CACNA1E: variants seen among roughly 807,000 people sequenced by gnomAD.
CACNA1E encodes the protein calcium voltage-gated channel subunit alpha1 E.
CACNA1E carries 40 observed loss-of-function variants against 259.2 expected under a neutral mutation model. The observed-to-expected ratio is 0.15, with a 90% confidence interval of 0.12 to 0.20. The LOEUF (loss-of-function observed/expected upper bound fraction) is 0.20. Among genes scored for constraint, CACNA1E ranks in the 10% least tolerant of loss-of-function variants. CACNA1E has a pLI of 1.00. For synonymous variants in CACNA1E, 1,104 were observed against 1,138.5 expected (o/e 0.97, Z 0.61); for missense variants, 1,874 against 3,040.1 (o/e 0.62, Z 9.02).
At chr1:181,563,196 G>A (rs10910960) in intron 3 of CACNA1E, among the ~76,000 whole-genome samples, 57,140 of 152,022 alleles carry the variant, frequency 0.38, 13,283 homozygotes, top group East Asian at 0.68. Flanking sequence ...GCAAGTATGG[G>A]GAACTGGGTA....
intron 1 of CACNA1E, among the ~76,000 whole-genome samples, chr1:181,408,720 A>G: frequency 6.6e-6 from 1 of 152,198 alleles, no homozygotes. Flanking sequence ...CTGCTCATTA[A>G]CCAAACTTAG....
chr1:181,539,553 C>T (rs1324249871), intron 3 of CACNA1E, among the ~76,000 whole-genome samples: 2 of 152,118 alleles, frequency 1.3e-5, no homozygotes, highest in South Asian at 2.1e-4. Flanking sequence ...TATATTATTC[C>T]CGGTCTGCTT....
At chr1:181,352,686 G>A (rs1257733240) in intron 1 of CACNA1E, among the ~76,000 whole-genome samples, 1 of 152,178 alleles carries the variant, frequency 6.6e-6, no homozygotes, top group Non-Finnish European at 1.5e-5. Context: ...AAGTGGCAAG[G>A]CAATTTGGAG....
At chr1:181,452,455 G>T (rs1015585139) in intron 2 of CACNA1E, among the ~76,000 whole-genome samples, 5 of 152,166 alleles carry the variant, frequency 3.3e-5, no homozygotes, top group African/African-American at 9.7e-5. Flanking sequence ...CCAGTGGTTT[G>T]CAAACTGTGT....
intron 6 of CACNA1E, among the ~76,000 whole-genome samples, chr1:181,638,003 T>C (rs1285392672): frequency 2.0e-5 from 3 of 152,090 alleles, no homozygotes; most frequent in Non-Finnish European, 1.5e-5. Flanking sequence ...CTAGAGAGGG[T>C]AGGTTGGGTC....
chr1:181,464,600 CT>C (rs776645859), intron 2 of CACNA1E, among the ~76,000 whole-genome samples: 1,843 of 132,650 alleles, frequency 0.014, 9 homozygotes, highest in Admixed American at 0.019. Context: ...CTGTGAGTGG[CT>C]TTTTTTTTTT....
chr1:181,478,306 G>A (rs1662997272), intron 2 of CACNA1E, among the ~76,000 whole-genome samples: 1 of 152,210 alleles, frequency 6.6e-6, no homozygotes, highest in Non-Finnish European at 1.5e-5. Context: ...GGGCTTCTCA[G>A]GCTTAGGTTT....
intron 1 of CACNA1E, among the ~76,000 whole-genome samples, chr1:181,403,217 A>T (rs1557975087): frequency 6.6e-6 from 1 of 151,328 alleles, no homozygotes; most frequent in African/African-American, 2.4e-5. Context: ...ATTTCATAAG[A>T]TTTTTTTCGA....
At position 181,330,260 on chromosome 1, in the gene CACNA1E, C is replaced by T. The variant is rs77751530; in HGVS notation, c.-15+12137C>T. 2.2e-3 allele frequency among the ~76,000 whole-genome samples: 329 copies of T among 152,250 alleles called. 2 individuals carry two copies. Among genetic ancestry groups the T allele is most frequent in the African/African-American group, 6.7e-3 (277 of 41,552 alleles). ...TGAAGGCATCCCGGCACCCTGATTT[C>T]GCTCTGATTCCTGCTTCCTCTGGCT... On this transcript the variant is annotated intron_variant, in intron 1 of 11. Transcript: ENST00000524607.
intron 6 of CACNA1E, among the ~76,000 whole-genome samples, chr1:181,633,505 T>G (rs981953552): frequency 6.6e-6 from 1 of 152,040 alleles, no homozygotes; most frequent in African/African-American, 2.4e-5. Context: ...CTTTTTTATT[T>G]TTTTGAGATG....
chr1:181,666,127 G>T (rs1420314459), intron 7 of CACNA1E, among the ~76,000 whole-genome samples: 1 of 152,112 alleles, frequency 6.6e-6, no homozygotes, highest in African/African-American at 2.4e-5. Context: ...TATAGCAATT[G>T]TCTTTTTAAA....
intron 35 of CACNA1E, among the ~76,000 whole-genome samples, chr1:181,767,787 T>C (rs1023208096): frequency 1.3e-5 from 2 of 152,214 alleles, no homozygotes; most frequent in Non-Finnish European, 2.9e-5. Flanking sequence ...TTAATGATCA[T>C]GTTGGCAGTG....
rs139742491 is a variant in CACNA1E at position 181,570,177 on chromosome 1, T to C, written c.513-7589T>C. ...AACTGTAGTAGACTTTTTTTTTTTT[T>C]AAAGTTCTTCCTCATTCAGCTTCCC... is the stretch of plus-strand genomic sequence containing the variant. On this transcript the variant is annotated intron_variant, in intron 3 of 47. Coordinates refer to ENST00000367573, the MANE Select transcript of CACNA1E (RefSeq NM_001205293.3). Among the ~76,000 whole-genome samples, 326 of 151,868 alleles carry C rather than the reference T, an allele frequency of 2.1e-3. 2 individuals are homozygous for C. The highest frequency in any genetic ancestry group is 7.4e-3 in the African/African-American group (307 of 41,268).
intron 2 of CACNA1E, among the ~76,000 whole-genome samples, chr1:181,460,336 T>G (rs1661721378): frequency 6.6e-6 from 1 of 152,156 alleles, no homozygotes; most frequent in South Asian, 2.1e-4. Flanking sequence ...GATGATGGCA[T>G]GAACCAGAGT....
Position 181,616,269 on chromosome 1 carries a change from G to A in CACNA1E, c.952-35069G>A, listed in dbSNP as rs146778851. 2.1e-3 allele frequency among the ~76,000 whole-genome samples: 327 copies of A among 152,208 alleles called. 2 individuals carry two copies. Among genetic ancestry groups the A allele is most frequent in the African/African-American group, 7.5e-3 (310 of 41,576 alleles). On this transcript the variant is annotated intron_variant, in intron 6 of 47. Coordinates refer to ENST00000367573, the MANE Select transcript of CACNA1E (RefSeq NM_001205293.3). The stretch of plus-strand genomic sequence containing the variant: ...CTTTGGAAGATTTTGTAAGATTGAA[G>A]TATTTTCTTCCTTAGAGTTCACCCA...
intron 41 of CACNA1E, 49 bp from the exon 42 acceptor site, chr1:181,785,269 T>C (rs1231526653): frequency 2.8e-6 from 3 of 1,079,576 alleles, no homozygotes; most frequent in Admixed American, 1.8e-5. Context: ...CCTCACTCTC[T>C]CCCATTATCT....
intron 1 of CACNA1E, among the ~76,000 whole-genome samples, chr1:181,399,231 A>G (rs1656911520): frequency 6.7e-6 from 1 of 150,030 alleles, no homozygotes; most frequent in South Asian, 2.1e-4. Flanking sequence ...TTTTTTTTTA[A>G]AGGAAAAGAG....
At chr1:181,568,538 C>A (rs757626920) in intron 3 of CACNA1E, among the ~76,000 whole-genome samples, 1 of 152,150 alleles carries the variant, frequency 6.6e-6, no homozygotes, top group Non-Finnish European at 1.5e-5. Context: ...ATTAATACAG[C>A]CTATAAAATT....
chr1:181,680,978 G>A (rs544673959), intron 7 of CACNA1E, among the ~76,000 whole-genome samples: 99 of 152,328 alleles, frequency 6.5e-4, no homozygotes, highest in South Asian at 2.5e-3. Context: ...ACAAGTACCC[G>A]TGCAGTCGCC....
Sources: allele counts gnomAD v4.1 joint callset (sites outside exome capture counted in the v4.1 genomes callset), GRCh38; gene constraint gnomAD v4.1.1; transcripts MANE v1.5; gene names NCBI Gene and HGNC (gene_info 2026-07-23, HGNC 2026-07-21).